Variants in FGGY observed in about 807,000 individuals in gnomAD.
FGGY encodes the protein FGGY carbohydrate kinase domain-containing protein.
In FGGY, 72 loss-of-function variants were observed where a neutral mutation model predicts 71.3. The observed-to-expected ratio is 1.01, with a 90% CI of 0.84 to 1.23. The LOEUF (loss-of-function observed/expected upper bound fraction) is 1.23, where lower values mean the gene tolerates loss of function less well. FGGY is among the 50% of genes most tolerant of loss of function. The pLI is 0.00. For synonymous variants in FGGY, 251 were observed against 250.3 expected, an observed-to-expected ratio of 1.00 and a Z score of -0.02; for missense variants, 668 against 682.3, an observed-to-expected ratio of 0.98 and a Z score of 0.23.
At chr1:59,578,463 G>A (rs1325389922) in intron 8 of FGGY, among the ~76,000 whole-genome samples, 3 of 152,042 alleles carry the variant, frequency 2.0e-5, no homozygotes, top group African/African-American at 7.3e-5. Flanking sequence ...AGTAGAAGGA[G>A]GAGAGAGAGA....
At chr1:59,322,879 C>T (rs1234445592) in intron 2 of FGGY, among the ~76,000 whole-genome samples, 1 of 152,024 alleles carries the variant, frequency 6.6e-6, no homozygotes, top group East Asian at 1.9e-4. Flanking sequence ...TTTCCCTGTT[C>T]CTAGTTTAGT....
intron 9 of FGGY, among the ~76,000 whole-genome samples, chr1:59,621,772 T>G (rs2096810267): frequency 6.6e-6 from 1 of 152,030 alleles, no homozygotes; most frequent in Non-Finnish European, 1.5e-5. Flanking sequence ...ATCTTTGGCT[T>G]TTATTACGGT....
At chr1:59,305,439 CT>C (rs1236768068) in intron 1 of FGGY, among the ~76,000 whole-genome samples, 1 of 152,054 alleles carries the variant, frequency 6.6e-6, no homozygotes, top group Non-Finnish European at 1.5e-5. Flanking sequence ...TCTTAATGTG[CT>C]GTTGAATTTG....
At chr1:59,417,858 GAAAAC>G (rs2064734618) in intron 5 of FGGY, among the ~76,000 whole-genome samples, 1 of 152,160 alleles carries the variant, frequency 6.6e-6, no homozygotes, top group South Asian at 2.1e-4. Flanking sequence ...AAGTAAAATA[GAAAAC>G]TTAGTTCCTC....
At chr1:59,315,885 A>C (rs746220309) in intron 1 of FGGY, 5 of 152,180 alleles carry the variant, frequency 3.3e-5, no homozygotes, top group Non-Finnish European at 7.3e-5. Flanking sequence ...GCGAAAAAGA[A>C]CTGAAGAGGA....
At chr1:59,587,953 C>G (rs2096342112) in intron 8 of FGGY, among the ~76,000 whole-genome samples, 1 of 152,194 alleles carries the variant, frequency 6.6e-6, no homozygotes, top group Admixed American at 6.5e-5. Context: ...CAGAGATTGA[C>G]TTTGACGAGT....
intron 1 of FGGY, among the ~76,000 whole-genome samples, chr1:59,309,367 C>G (rs2043909302): frequency 6.6e-6 from 1 of 152,110 alleles, no homozygotes; most frequent in Non-Finnish European, 1.5e-5. Context: ...GTAGAGGGAA[C>G]AGTATGAACA....
intron 7 of FGGY, among the ~76,000 whole-genome samples, chr1:59,517,321 AG>A (rs2094689586): frequency 8.0e-6 from 1 of 125,684 alleles, no homozygotes; most frequent in African/African-American, 3.1e-5. Context: ...GCTGGAGTGC[AG>A]TGGCGGGATC....
intron 6 of FGGY, among the ~76,000 whole-genome samples, chr1:59,490,374 T>C (rs780547713): frequency 9.2e-5 from 14 of 152,158 alleles, no homozygotes; most frequent in Non-Finnish European, 1.8e-4. Context: ...GGTTGTTTTT[T>C]TCCTGTACCA....
chr1:59,307,440 C>G (rs1315266187), intron 1 of FGGY, among the ~76,000 whole-genome samples: 2 of 151,734 alleles, frequency 1.3e-5, no homozygotes, highest in Non-Finnish European at 2.9e-5. Context: ...TTGTTAGGAT[C>G]TTTAAAAAAT....
At chr1:59,727,183 G>A (rs1284669966) in intron 14 of FGGY, among the ~76,000 whole-genome samples, 1 of 152,192 alleles carries the variant, frequency 6.6e-6, no homozygotes, top group South Asian at 2.1e-4. Flanking sequence ...TAGGATAATG[G>A]CCTCCAGCTA....
At chr1:59,382,150 CT>C (rs1346495535) in intron 5 of FGGY, among the ~76,000 whole-genome samples, 14 of 152,276 alleles carry the variant, frequency 9.2e-5, no homozygotes, top group East Asian at 7.7e-4. Flanking sequence ...GGTATTGTAT[CT>C]TAAAATCAGC....
intron 14 of FGGY, chr1:59,699,099 G>A: frequency 1.0e-6 from 1 of 985,274 alleles, no homozygotes; most frequent in Non-Finnish European, 1.2e-6. Flanking sequence ...TACTCTGAAA[G>A]CTTTTGTACT....
chr1:59,715,057 C>T (rs1317656639), intron 14 of FGGY, among the ~76,000 whole-genome samples: 8 of 152,262 alleles, frequency 5.3e-5, no homozygotes, highest in African/African-American at 1.9e-4. Context: ...CCCTTTCTTT[C>T]GTTGCCTTCT....
chr1:59,699,093 C>T (rs767335962), intron 14 of FGGY: 342 of 985,184 alleles, frequency 3.5e-4, no homozygotes, highest in Non-Finnish European at 4.0e-4. Context: ...CATTTTTACT[C>T]TGAAAGCTTT....
chr1:59,580,710 C>G (rs1407510753), intron 8 of FGGY, among the ~76,000 whole-genome samples: 3 of 152,096 alleles, frequency 2.0e-5, no homozygotes, highest in Non-Finnish European at 4.4e-5. Flanking sequence ...AATCCTAAAC[C>G]TAGAATTTTC....
intron 5 of FGGY, among the ~76,000 whole-genome samples, chr1:59,410,525 G>A (rs1472786179): frequency 1.3e-5 from 2 of 152,178 alleles, no homozygotes; most frequent in East Asian, 3.9e-4. Flanking sequence ...GCACATGTGA[G>A]AACTATAATT....
intron 10 of FGGY, among the ~76,000 whole-genome samples, chr1:59,630,603 G>A (rs979776899): frequency 2.6e-5 from 4 of 152,212 alleles, no homozygotes; most frequent in African/African-American, 9.7e-5. Flanking sequence ...ATTTTAGTGT[G>A]TAACACAAAC....
Position 59,378,793 on chromosome 1 carries a change from T to G in FGGY, c.510T>G (p.Asp170Glu). The G allele has an allele frequency of 6.2e-7, 1 of 1,613,614 alleles. No homozygotes were observed. The highest frequency in any genetic ancestry group is 8.5e-7 in the Non-Finnish European group (1 of 1,179,686). The change falls in exon 5 of 16, where the codon GAT becomes GAG. Residue 170 changes from aspartate to glutamate, a missense_variant. Around this residue, in one of 2 missense-constraint regions of FGGY, gnomAD observed 661 missense variants for 661.6 expected, o/e 1.00. Coordinates refer to ENST00000303721, the MANE Select transcript of FGGY (RefSeq NM_018291.5). ...ICWDKAGHFF[D>E]LPDFLSWKAT... ...GGGATAAGGCGGGACATTTCTTTGA[T>G]CTCCCGGACTTCTTATCGTGGAAGG... is the stretch of plus-strand genomic sequence containing the variant.
Sources: gnomAD v4.1 joint callset for allele counts (sites outside exome capture counted in the v4.1 genomes callset) on GRCh38, gnomAD v4.1.1 for gene constraint, gnomAD v4.1.1 regional missense constraint, MANE v1.5 for transcripts, NCBI Gene and HGNC (gene_info 2026-07-23, HGNC 2026-07-21) for gene names.